Variants in ANKS1B observed in about 807,000 individuals in gnomAD.
ANKS1B encodes the protein ankyrin repeat and sterile alpha motif domain containing 1B.
ANKS1B carries 36 observed loss-of-function variants against 148.3 expected under a neutral mutation model. The observed-to-expected ratio is 0.24, with a 90% CI of 0.19 to 0.32. The LOEUF is 0.32. Ranked by LOEUF, ANKS1B falls within the 10% of genes least tolerant of loss-of-function variation. The pLI is 1.00. For missense variants in ANKS1B, 1,157 were observed against 1,542.6 expected, an observed-to-expected ratio of 0.75 and a Z score of 4.19; for synonymous variants, 542 against 560.8, an observed-to-expected ratio of 0.97 and a Z score of 0.47.
chr12:98,986,875 T>C (rs2099923745), intron 17 of ANKS1B, among the ~76,000 whole-genome samples: 1 of 152,122 alleles, frequency 6.6e-6, no homozygotes, highest in Non-Finnish European at 1.5e-5. Flanking sequence ...TGCCTTGGCC[T>C]CCGAAAGTGC....
intron 17 of ANKS1B, among the ~76,000 whole-genome samples, chr12:99,042,637 G>A (rs1022175490): frequency 3.9e-5 from 6 of 152,210 alleles, no homozygotes; most frequent in African/African-American, 1.4e-4. Context: ...CTTGGAAGCT[G>A]CCCCTCCATT....
intron 9 of ANKS1B, among the ~76,000 whole-genome samples, chr12:99,632,740 T>TA (rs2098177318): frequency 1.7e-5 from 1 of 57,694 alleles, no homozygotes; most frequent in African/African-American, 7.4e-5. Flanking sequence ...TATATATATA[T>TA]ATATATATAT....
At chr12:99,442,340 T>C (rs1249757150) in intron 11 of ANKS1B, among the ~76,000 whole-genome samples, 1 of 151,834 alleles carries the variant, frequency 6.6e-6, no homozygotes. Context: ...GAAGACGACA[T>C]TTTTGAAAAC....
chr12:99,625,232 T>C (rs1245833650), intron 9 of ANKS1B, among the ~76,000 whole-genome samples: 6 of 151,904 alleles, frequency 3.9e-5, no homozygotes, highest in African/African-American at 1.5e-4. Flanking sequence ...CAGCAGACAC[T>C]GGGGAGGGAA....
chr12:99,203,411 C>G (rs1454786661), intron 14 of ANKS1B, among the ~76,000 whole-genome samples: 1 of 152,030 alleles, frequency 6.6e-6, no homozygotes, highest in Non-Finnish European at 1.5e-5. Context: ...CTGCCAGAAG[C>G]CTTTCCTGAT....
At chr12:99,665,854 T>G (rs900952800) in intron 8 of ANKS1B, among the ~76,000 whole-genome samples, 1 of 152,176 alleles carries the variant, frequency 6.6e-6, no homozygotes, top group Non-Finnish European at 1.5e-5. Flanking sequence ...ATACCTCCTT[T>G]GTACTGTTGG....
At chr12:99,234,651 A>G (rs2087540162) in intron 14 of ANKS1B, among the ~76,000 whole-genome samples, 1 of 152,066 alleles carries the variant, frequency 6.6e-6, no homozygotes, top group South Asian at 2.1e-4. Flanking sequence ...GCATCTCTAC[A>G]CTCATCCTCT....
rs117636668 is a variant in ANKS1B, at chr12:98,941,488, C to T, written c.2779-109352G>A. 2.4e-3 allele frequency among the ~76,000 whole-genome samples: 372 copies of T among 152,368 alleles called. 6 individuals carry two copies. In the East Asian group the frequency reaches 0.049, roughly 20 times the overall value. On this transcript the variant is annotated intron_variant, in intron 17 of 26. Transcript: ENST00000683438. ...CTTCGCCTGGGCATGTATGCATCAG[C>T]CAACTCAACCTTTTTGCTGCTCTGA... is the stretch of plus-strand genomic sequence containing the variant.
chr12:99,733,507 T>C (rs958459913), intron 8 of ANKS1B, among the ~76,000 whole-genome samples: 2 of 152,222 alleles, frequency 1.3e-5, no homozygotes, highest in African/African-American at 4.8e-5. Flanking sequence ...GAAATTACAA[T>C]GTTCTAGGCA....
At chr12:99,918,697 G>A (rs1420160315) in intron 1 of ANKS1B, among the ~76,000 whole-genome samples, 1 of 152,048 alleles carries the variant, frequency 6.6e-6, no homozygotes, top group Non-Finnish European at 1.5e-5. Context: ...ATGTTTCTAA[G>A]GCAGGTGTGG....
chr12:99,881,455 TGAA>T (rs543048447), intron 1 of ANKS1B, among the ~76,000 whole-genome samples: 45 of 152,296 alleles, frequency 3.0e-4, no homozygotes, highest in Admixed American at 2.7e-3. Context: ...ACCTACCTCT[TGAA>T]CCTAAACATG....
At position 99,744,162 on chromosome 12, in the gene ANKS1B, T is replaced by C. The variant is rs1488112912; in HGVS notation, c.1128+28760A>G. ...TGGAACATACAGATTAAATGAGATA[T>C]TGGGAATAACAAAAGAGGGAGAAAT... is the stretch of plus-strand genomic sequence containing the variant. On this transcript the variant is annotated intron_variant, in intron 8 of 26. Transcript: ENST00000683438. Among the ~76,000 whole-genome samples, 3 of 152,158 alleles carry C rather than the reference T, an allele frequency of 2.0e-5. No individual in the cohort carries two copies. The East Asian group carries it at 5.8e-4, about 29-fold the overall frequency.
chr12:99,717,979 C>T (rs886871400), intron 8 of ANKS1B, among the ~76,000 whole-genome samples: 1 of 148,702 alleles, frequency 6.7e-6, no homozygotes, highest in Non-Finnish European at 1.5e-5. Context: ...TCTCGGCTCA[C>T]TGCAAGCTCC....
At chr12:99,637,529 C>T (rs1026581659) in intron 9 of ANKS1B, among the ~76,000 whole-genome samples, 1 of 152,084 alleles carries the variant, frequency 6.6e-6, no homozygotes, top group African/African-American at 2.4e-5. Context: ...AAGGCAGACC[C>T]ACCCTTAATC....
intron 17 of ANKS1B, among the ~76,000 whole-genome samples, chr12:98,873,628 C>T (rs951506196): frequency 6.6e-6 from 1 of 152,114 alleles, no homozygotes; most frequent in Admixed American, 6.5e-5. Flanking sequence ...GTGGACAAAT[C>T]CTCACCTGAG....
At chr12:99,288,853 A>G (rs1365484251) in intron 12 of ANKS1B, among the ~76,000 whole-genome samples, 1 of 152,058 alleles carries the variant, frequency 6.6e-6, no homozygotes, top group African/African-American at 2.4e-5. Context: ...GGAAGAGAAG[A>G]CCACAAAACA....
intron 11 of ANKS1B, among the ~76,000 whole-genome samples, chr12:99,429,961 C>CT (rs2095339459): frequency 6.7e-6 from 1 of 150,106 alleles, no homozygotes. Flanking sequence ...AAGACTCCGT[C>CT]TCAAAAAAAA....
intron 17 of ANKS1B, among the ~76,000 whole-genome samples, chr12:99,025,792 A>G (rs927300294): frequency 1.3e-5 from 2 of 152,200 alleles, no homozygotes; most frequent in Admixed American, 6.5e-5. Flanking sequence ...TTGGCCCAGG[A>G]CTGAAGGAAG....
intron 10 of ANKS1B, among the ~76,000 whole-genome samples, chr12:99,484,524 A>G (rs2096459913): frequency 6.6e-6 from 1 of 151,858 alleles, no homozygotes; most frequent in African/African-American, 2.4e-5. Context: ...GTATTATGCC[A>G]TTTAAGTCCA....
Sources: gnomAD v4.1 joint callset for allele counts (sites outside exome capture counted in the v4.1 genomes callset) on GRCh38, gnomAD v4.1.1 for gene constraint, MANE v1.5 for transcripts, NCBI Gene and HGNC (gene_info 2026-07-23, HGNC 2026-07-21) for gene names.